The following SYT6 variants were observed in gnomAD, a reference collection of about 807,000 sequenced individuals.
SYT6 encodes synaptotagmin-6.
Under a neutral mutation model 38.4 loss-of-function variants are expected in SYT6, and 24 were observed. That is an observed-to-expected ratio of 0.62 (90% CI 0.45 to 0.88). The LOEUF (loss-of-function observed/expected upper bound fraction) is 0.88. SYT6 is among the 40% of genes least tolerant of loss of function. The pLI, the probability that SYT6 is intolerant of heterozygous loss-of-function variation, is 0.00. For synonymous variants in SYT6, 265 were observed against 241.9 expected, an observed-to-expected ratio of 1.10 and a Z score of -0.89; for missense variants, 611 against 621.0, an observed-to-expected ratio of 0.98 and a Z score of 0.17.
At chr1:114,112,070 T>C (rs112061063) in intron 3 of SYT6, among the ~76,000 whole-genome samples, 3,916 of 152,124 alleles carry the variant, frequency 0.026, 51 homozygotes, top group Non-Finnish European at 0.038. Context: ...TGTTCTGAGT[T>C]CCATGCCTGC....
At chr1:114,129,745 A>G (rs1678027683) in intron 3 of SYT6, among the ~76,000 whole-genome samples, 1 of 148,788 alleles carries the variant, frequency 6.7e-6, no homozygotes, top group Non-Finnish European at 1.5e-5. Flanking sequence ...TGGTGTAATC[A>G]TGGCTCACTG....
At chr1:114,106,839 G>A (rs531231452) in intron 3 of SYT6, among the ~76,000 whole-genome samples, 1 of 152,222 alleles carries the variant, frequency 6.6e-6, no homozygotes, top group Admixed American at 6.5e-5. Context: ...CCCTGCAGCT[G>A]TGCCCCCCAG....
At chr1:114,144,036 G>C (rs1032990829) in intron 1 of SYT6, among the ~76,000 whole-genome samples, 2 of 152,314 alleles carry the variant, frequency 1.3e-5, no homozygotes, top group Non-Finnish European at 2.9e-5. Context: ...TTGCAAAAAG[G>C]TTACTGTGGA....
chr1:114,105,673 G>A (rs1156844025), intron 3 of SYT6, among the ~76,000 whole-genome samples: 1 of 152,188 alleles, frequency 6.6e-6, no homozygotes, highest in Non-Finnish European at 1.5e-5. Context: ...AACTCTGCGA[G>A]GCAGGCTTGT....
chr1:114,096,913 C>G (rs1675672809), intron 6 of SYT6, among the ~76,000 whole-genome samples: 1 of 152,146 alleles, frequency 6.6e-6, no homozygotes, highest in Non-Finnish European at 1.5e-5. Flanking sequence ...TGTTTGGTCA[C>G]CCACACTTCC....
At chr1:114,116,907 A>G (rs1440280726) in intron 3 of SYT6, among the ~76,000 whole-genome samples, 4 of 152,002 alleles carry the variant, frequency 2.6e-5, no homozygotes, top group African/African-American at 9.7e-5. Flanking sequence ...ATCAGTTTTG[A>G]CTCCACCTTC....
At chr1:114,110,041 CA>C (rs1332221002) in intron 3 of SYT6, among the ~76,000 whole-genome samples, 15 of 152,196 alleles carry the variant, frequency 9.9e-5, no homozygotes. Context: ...AGGCTAGAAA[CA>C]GGGCCCCAGG....
chr1:114,098,532 G>A (rs761659651), intron 5 of SYT6, among the ~76,000 whole-genome samples: 1 of 152,220 alleles, frequency 6.6e-6, no homozygotes, highest in African/African-American at 2.4e-5. Flanking sequence ...GATCCGATTG[G>A]ATGGATATGC....
intron 1 of SYT6, among the ~76,000 whole-genome samples, chr1:114,146,696 C>G (rs1383404679): frequency 1.3e-5 from 2 of 152,224 alleles, no homozygotes; most frequent in African/African-American, 4.8e-5. Context: ...TATTTGGATG[C>G]TTCTTCCCTG....
chr1:114,146,256 T>G (rs1679151046), intron 1 of SYT6, among the ~76,000 whole-genome samples: 1 of 152,138 alleles, frequency 6.6e-6, no homozygotes, highest in African/African-American at 2.4e-5. Flanking sequence ...TGTAGAAGAT[T>G]CAGCTCATTT....
At position 114,089,376 on chromosome 1, in the gene SYT6, A is replaced by G. The variant is rs928226893; in HGVS notation, c.*2758T>C. 6.5e-6 allele frequency: 1 copy of G among 152,752 alleles called. No individual in the cohort carries two copies. The highest frequency in any genetic ancestry group is 2.4e-5 in the African/African-American group (1 of 41,458). 9.5% of individuals were successfully genotyped at this position (152,752 alleles called of 1,614,324 possible). A position where few individuals can be genotyped will look rare whatever the true frequency, so the allele number is the denominator to read the frequency against. On this transcript the variant is annotated 3_prime_UTR_variant, in exon 8 of 8. Transcript: ENST00000610222. ...ACACAAACGAGTAATTAACAACATA[A>G]TATTTTAAATGACAGTGCAATTAAT...
At chr1:114,125,391 A>G (rs1677663273) in intron 3 of SYT6, among the ~76,000 whole-genome samples, 1 of 152,218 alleles carries the variant, frequency 6.6e-6, no homozygotes, top group Non-Finnish European at 1.5e-5. Context: ...AGTGGACTTC[A>G]TGGAAAGCTC....
chr1:114,094,364 G>T (rs1205069708), intron 6 of SYT6, among the ~76,000 whole-genome samples: 1 of 152,172 alleles, frequency 6.6e-6, no homozygotes, highest in East Asian at 1.9e-4. Flanking sequence ...AATGGGTCAC[G>T]TTCCAACAGA....
rs913916791 is a variant in SYT6, at chr1:114,153,636, T to G, written c.137A>C (p.Glu46Ala). 1 of 637,320 alleles carries G rather than the reference T, an allele frequency of 1.6e-6. No homozygotes were observed. Among genetic ancestry groups the G allele is most frequent in the African/African-American group, 1.9e-5 (1 of 51,540 alleles). The allele number at this position is 637,320 out of a possible 1,614,324, so 39.5% of individuals were successfully genotyped here. A position where few individuals can be genotyped will look rare whatever the true frequency, so the allele number is the denominator to read the frequency against. The stretch of plus-strand genomic sequence containing the variant: ...TGCGCCTGCCGCGCTGGGACTCCGC[T>G]CTGGGGGCTGCAGCTCGAAGCTCCG... ...TCRSFELQPP[E>A]RSPSAAGAGT... The change falls in exon 1 of 8, where the codon GAG becomes GCG. Residue 46 changes from glutamate to alanine, a missense_variant. Physicochemically the swap from Glu to Ala is moderately radical, Grantham distance 107. Transcript: ENST00000610222.
intron 3 of SYT6, among the ~76,000 whole-genome samples, chr1:114,118,031 A>G (rs539970319): frequency 1.3e-5 from 2 of 152,334 alleles, no homozygotes; most frequent in South Asian, 4.1e-4. Context: ...GGTTGGCTTC[A>G]GCCATCTCCA....
chr1:114,149,324 T>C (rs1314777734), intron 1 of SYT6, among the ~76,000 whole-genome samples: 1 of 145,640 alleles, frequency 6.9e-6, no homozygotes, highest in East Asian at 2.0e-4. Flanking sequence ...CTTGTAAGTT[T>C]ATTAGGAGAA....
intron 6 of SYT6, 55 bp from the exon 7 acceptor site, chr1:114,093,858 C>T (rs1011977419): frequency 1.3e-6 from 2 of 1,547,438 alleles, no homozygotes; most frequent in Admixed American, 3.3e-5. Flanking sequence ...ACTGTGGCTT[C>T]TGACTCAAGT....
Position 114,139,819 on chromosome 1 carries a change from A to C in SYT6, c.308T>G (p.Leu103Trp), listed in dbSNP as rs1165990378. The change falls in exon 2 of 8, where the codon TTG (leucine) becomes TGG (tryptophan). Residue 103 changes from leucine to tryptophan, a missense_variant. Transcript: ENST00000610222. ...ASSPSSANPPLEALQSPSFRG... is the reference protein window; with the variant it reads ...ASSPSSANPPWEALQSPSFRG... Reference sequence around the variant, plus strand: ...GAAGCTGGGGCTCTGGAGGGCTTCCAAGGGGGGATTAGCAGAAGAGGGACT... The same window carrying C: ...GAAGCTGGGGCTCTGGAGGGCTTCCCAGGGGGGATTAGCAGAAGAGGGACT... 1 of 1,603,838 alleles carries C rather than the reference A, an allele frequency of 6.2e-7. No individual in the cohort carries two copies. Among genetic ancestry groups the C allele is most frequent in the Non-Finnish European group, 8.5e-7 (1 of 1,174,336 alleles).
At chr1:114,122,737 G>A (rs1034515683) in intron 3 of SYT6, among the ~76,000 whole-genome samples, 2 of 152,182 alleles carry the variant, frequency 1.3e-5, no homozygotes, top group Non-Finnish European at 2.9e-5. Context: ...CCTGCACTTG[G>A]ATAGGATTCA....
Sources: allele counts gnomAD v4.1 joint callset (sites outside exome capture counted in the v4.1 genomes callset), GRCh38; gene constraint gnomAD v4.1.1; transcripts MANE v1.5; gene names NCBI Gene and HGNC (gene_info 2026-07-23, HGNC 2026-07-21).